Variants in IPCEF1 observed in about 807,000 individuals in gnomAD.
IPCEF1 encodes interactor protein for cytohesin exchange factors 1.
In IPCEF1, 31 loss-of-function variants were observed where a neutral mutation model predicts 50.9. That is an observed-to-expected ratio of 0.61 (90% CI 0.46 to 0.82). The LOEUF (loss-of-function observed/expected upper bound fraction) is 0.82. Ranked by LOEUF, IPCEF1 falls within the 40% of genes least tolerant of loss-of-function variation. IPCEF1 has a pLI of 0.00. For missense variants in IPCEF1, 458 were observed against 514.0 expected (o/e 0.89, Z 1.05); for synonymous variants, 181 against 192.0 (o/e 0.94, Z 0.47).
At chr6:154,229,995 A>C (rs1040964657) in intron 5 of IPCEF1, among the ~76,000 whole-genome samples, 1 of 152,188 alleles carries the variant, frequency 6.6e-6, no homozygotes, top group Non-Finnish European at 1.5e-5. Flanking sequence ...TTCCATTTCT[A>C]GGAAGTGTCC....
chr6:154,284,940 C>T (rs1233939845), intron 2 of IPCEF1, among the ~76,000 whole-genome samples: 1 of 151,964 alleles, frequency 6.6e-6, no homozygotes, highest in Non-Finnish European at 1.5e-5. Flanking sequence ...GCAGAGGTTG[C>T]AGTGAGCCGA....
intron 10 of IPCEF1, among the ~76,000 whole-genome samples, chr6:154,175,061 C>A (rs1431276567): frequency 6.6e-6 from 1 of 152,184 alleles, no homozygotes; most frequent in African/African-American, 2.4e-5. Context: ...ACAACCTGCT[C>A]CTGAATGACT....
At chr6:154,214,149 T>C in intron 8 of IPCEF1, 69 bp downstream of exon 8, 1 of 1,022,368 alleles carries the variant, frequency 9.8e-7, no homozygotes, top group South Asian at 1.3e-5. Context: ...CTTGACATTG[T>C]TTTTTCACCC....
chr6:154,182,663 T>C (rs1038619397), intron 10 of IPCEF1, among the ~76,000 whole-genome samples: 12 of 152,148 alleles, frequency 7.9e-5, no homozygotes, highest in Admixed American at 2.0e-4. Context: ...TTATGAGGTA[T>C]CAGTTGAATG....
intron 5 of IPCEF1, among the ~76,000 whole-genome samples, chr6:154,228,028 A>C (rs1203296474): frequency 3.3e-5 from 5 of 152,088 alleles, no homozygotes; most frequent in Non-Finnish European, 7.4e-5. Context: ...CAGAGGGCAA[A>C]TCTTGAGAGA....
chr6:154,288,385 C>T (rs1275520279), intron 2 of IPCEF1, among the ~76,000 whole-genome samples: 1 of 152,112 alleles, frequency 6.6e-6, no homozygotes, highest in South Asian at 2.1e-4. Flanking sequence ...TGTGGGCGGC[C>T]GGGCGCGGTG....
At chr6:154,343,829 T>C (rs1324805136) in intron 1 of IPCEF1, among the ~76,000 whole-genome samples, 1 of 152,236 alleles carries the variant, frequency 6.6e-6, no homozygotes, top group Non-Finnish European at 1.5e-5. Context: ...CAACCTTTGA[T>C]ATGCAAATGC....
At chr6:154,196,878 T>C (rs920115677) in intron 10 of IPCEF1, among the ~76,000 whole-genome samples, 2 of 152,120 alleles carry the variant, frequency 1.3e-5, no homozygotes, top group Non-Finnish European at 2.9e-5. Context: ...CAGGAGAAAA[T>C]GTCTAACAGA....
chr6:154,355,051 G>T (rs1460651558), intron 1 of IPCEF1, among the ~76,000 whole-genome samples: 1 of 148,516 alleles, frequency 6.7e-6, no homozygotes, highest in Non-Finnish European at 1.5e-5. Flanking sequence ...CACACCATTT[G>T]CCACATTAGA....
At chr6:154,346,539 C>A (rs1784033082) in intron 1 of IPCEF1, among the ~76,000 whole-genome samples, 1 of 152,092 alleles carries the variant, frequency 6.6e-6, no homozygotes, top group African/African-American at 2.4e-5. Flanking sequence ...TTAGTCCATT[C>A]TTATGCTGCT....
intron 1 of IPCEF1, among the ~76,000 whole-genome samples, chr6:154,347,320 C>G (rs925285443): frequency 6.6e-6 from 1 of 152,210 alleles, no homozygotes; most frequent in Non-Finnish European, 1.5e-5. Flanking sequence ...AGTCAAACTG[C>G]TGGGGTTGGA....
At chr6:154,172,277 T>C (rs911592453) in intron 10 of IPCEF1, among the ~76,000 whole-genome samples, 4 of 152,180 alleles carry the variant, frequency 2.6e-5, no homozygotes, top group South Asian at 2.1e-4. Flanking sequence ...GTTCATCTCA[T>C]TGGGACTGGT....
intron 3 of IPCEF1, among the ~76,000 whole-genome samples, chr6:154,264,148 A>C (rs181010814): frequency 4.6e-5 from 7 of 151,962 alleles, no homozygotes; most frequent in Admixed American, 4.6e-4. Context: ...TTATCAAAAA[A>C]CACCCACCCA....
chr6:154,161,677 C>T (rs747397479), intron 11 of IPCEF1, among the ~76,000 whole-genome samples: 19 of 152,272 alleles, frequency 1.2e-4, no homozygotes, highest in African/African-American at 1.7e-4. Flanking sequence ...TAGGTATTTA[C>T]GGGTAAGTCA....
At chr6:154,263,963 C>A (rs1327448292) in intron 3 of IPCEF1, among the ~76,000 whole-genome samples, 1 of 130,446 alleles carries the variant, frequency 7.7e-6, no homozygotes, top group Admixed American at 7.7e-5. Context: ...GCAGAGGCGC[C>A]CCTCACTTCC....
rs532608887 is a variant in IPCEF1, at chr6:154,214,379, C to T, written c.393-103G>A. On this transcript the variant is annotated intron_variant, in intron 7 of 11. Coordinates refer to ENST00000367220, the MANE Select transcript of IPCEF1 (RefSeq NM_001130700.2). The stretch of plus-strand genomic sequence containing the variant: ...TGAAATTAGGTCATGATTCTACCAT[C>T]AGTCTGCACATTTCCAGAAAGAGCA... 545 of 822,128 alleles carry T rather than the reference C, an allele frequency of 6.6e-4. 4 individuals are homozygous for T. In the African/African-American group the frequency reaches 8.4e-3, roughly 13 times the overall value. The allele number at this position is 822,128 out of a possible 1,614,324, so 50.9% of individuals were successfully genotyped here. A position where few individuals can be genotyped will look rare whatever the true frequency, so the allele number is the denominator to read the frequency against.
At chr6:154,218,311 T>C (rs1778578625) in intron 7 of IPCEF1, among the ~76,000 whole-genome samples, 1 of 152,210 alleles carries the variant, frequency 6.6e-6, no homozygotes, top group African/African-American at 2.4e-5. Flanking sequence ...GCAGCTCCCG[T>C]CTTTGCTGAG....
At chr6:154,354,404 T>TCTCCACCACCCC (rs1784168970) in intron 1 of IPCEF1, among the ~76,000 whole-genome samples, 1 of 20,770 alleles carries the variant, frequency 4.8e-5, no homozygotes, top group African/African-American at 4.2e-4. Flanking sequence ...CCAACCACCA[T>TCTCCACCACCCC]CTCCACCACC....
intron 3 of IPCEF1, among the ~76,000 whole-genome samples, chr6:154,248,201 A>C (rs1418962047): frequency 6.6e-6 from 1 of 152,222 alleles, no homozygotes; most frequent in Non-Finnish European, 1.5e-5. Flanking sequence ...AATCAGACAT[A>C]AGACAACATA....
Sources: allele counts gnomAD v4.1 joint callset (sites outside exome capture counted in the v4.1 genomes callset), GRCh38; gene constraint gnomAD v4.1.1; transcripts MANE v1.5; gene names NCBI Gene and HGNC (gene_info 2026-07-23, HGNC 2026-07-21).